Variants in ZNF574 observed in about 807,000 individuals in gnomAD.
ZNF574 encodes zinc finger protein 574.
ZNF574 carries 25 observed loss-of-function variants against 56.6 expected under a neutral mutation model. The ratio of observed to expected loss-of-function variants is 0.44; its 90% CI spans 0.32 to 0.62. The LOEUF is 0.62. ZNF574 is among the 20% of genes least tolerant of loss of function. The pLI is 0.04. For synonymous variants in ZNF574, 543 were observed against 492.1 expected (o/e 1.10, Z -1.37); for missense variants, 1,065 against 1,218.9 (o/e 0.87, Z 1.88).
chr19:42,069,883 T>A (rs532559918), intron 1 of ZNF574, among the ~76,000 whole-genome samples: 3 of 149,918 alleles, frequency 2.0e-5, no homozygotes, highest in African/African-American at 7.4e-5. Context: ...CTGGGGAGGA[T>A]GGAGAGCTGG....
At position 42,080,916 on chromosome 19, in the gene ZNF574, C is replaced by G. The variant is rs780502972; in HGVS notation, c.2310C>G (p.Asp770Glu). Reference protein sequence around the residue: ...HTGERPYPCPDCGKAFRQSTH... With the variant: ...HTGERPYPCPECGKAFRQSTH... ...GTGAGCGGCCATACCCATGTCCAGACTGTGGCAAAGCGTTCCGTCAGAGTA... is the reference window on the plus strand; with the variant it reads ...GTGAGCGGCCATACCCATGTCCAGAGTGTGGCAAAGCGTTCCGTCAGAGTA... Residue 770 changes from aspartate to glutamate, a missense_variant, in exon 2 of 2, where the codon GAC (aspartate) becomes GAG (glutamate). Transcript: ENST00000359044. This position sits in a 1 kb window ranked among gnomAD's most constrained non-coding sequence, Gnocchi z 8.5. 39 of 1,613,796 alleles carry G rather than the reference C, an allele frequency of 2.4e-5. No individual in the cohort carries two copies. The highest frequency in any genetic ancestry group is 3.3e-5 in the Non-Finnish European group (39 of 1,179,974).
chr19:42,080,454 C>T lies in ZNF574; in HGVS notation c.1848C>T (p.Phe616=), dbSNP rs2076490512. ...PYKCRECPRS[F]LLRRLLEVHQ... ...AGTGTCGCGAGTGCCCCCGCTCCTTCTTGCTGCGTCGGCTGCTGGAGGTGC... is the reference window on the plus strand; with the variant it reads ...AGTGTCGCGAGTGCCCCCGCTCCTTTTTGCTGCGTCGGCTGCTGGAGGTGC... The change falls in exon 2 of 2, where the codon TTC becomes TTT. Residue 616 remains phenylalanine (F), a synonymous_variant. Transcript: ENST00000359044. The surrounding 1 kb of genome is among the most constrained non-coding windows in gnomAD (Gnocchi z 8.5). 1 of 1,614,180 alleles carries T rather than the reference C, an allele frequency of 6.2e-7. No homozygotes were observed. The highest frequency in any genetic ancestry group is 2.2e-5 in the East Asian group (1 of 44,868).
rs374593415 is a variant in ZNF574, at chr19:42,081,164, G to A, written c.2558G>A (p.Arg853Gln). 34 of 1,614,050 alleles carry A rather than the reference G, an allele frequency of 2.1e-5. No homozygotes were observed. Among genetic ancestry groups the A allele is most frequent in the Admixed American group, 5.0e-5 (3 of 60,030 alleles). ...CAGCAGCAGCATCAGGCAGCTGTGC[G>A]GCAGCAGCTGGCAGAGGCGGAGGCT... The part of the protein sequence containing the change: ...THQQQHQAAV[R>Q]QQLAEAEAAV... Residue 853 changes from arginine to glutamine, a missense_variant, in exon 2 of 2, where the codon CGG (arginine) becomes CAG (glutamine). By Grantham distance (43) the Arg-to-Gln change is conservative. Coordinates refer to ENST00000359044, the MANE Select transcript of ZNF574 (RefSeq NM_022752.6).
chr19:42,080,106 T>C lies in ZNF574; in HGVS notation c.1500T>C (p.Cys500=), dbSNP rs138019001. The C allele has an allele frequency of 2.3e-4, 368 of 1,613,938 alleles. 1 individual carries two copies. The highest frequency in any genetic ancestry group is 2.9e-4 in the Non-Finnish European group (342 of 1,180,034). The change falls in exon 2 of 2, where the codon TGT becomes TGC. Residue 500 remains cysteine (C), a synonymous_variant. Transcript: ENST00000359044. The surrounding 1 kb of genome is among the most constrained non-coding windows in gnomAD (Gnocchi z 8.5). ...AGCGGCGCCATAAATGCAGCATTTGTGGCAAGATGTTCAAGAAGAAGTCTC... is the reference window on the plus strand; with the variant it reads ...AGCGGCGCCATAAATGCAGCATTTGCGGCAAGATGTTCAAGAAGAAGTCTC... ...RLERRHKCSI[C]GKMFKKKSHV...
rs1315426192 is a variant in ZNF574 at position 42,081,131 on chromosome 19, A to G, written c.2525A>G (p.Lys842Arg). Residue 842 changes from lysine to arginine, a missense_variant, in exon 2 of 2, where the codon AAG becomes AGG. By Grantham distance (26) the Lys-to-Arg change is conservative. Coordinates refer to ENST00000359044, the MANE Select transcript of ZNF574 (RefSeq NM_022752.6). ...RSFSNLWKHR[K>R]THQQQHQAAV... ...TTCTCCAACCTCTGGAAGCACCGCA[A>G]GACCCATCAGCAGCAGCATCAGGCA... The G allele has an allele frequency of 7.4e-6, 12 of 1,614,034 alleles. No individual in the cohort carries two copies. The highest frequency in any genetic ancestry group is 4.0e-5 in the African/African-American group (3 of 74,946).
upstream of ZNF574, among the ~76,000 whole-genome samples, chr19:42,071,655 A>G (rs1209161143): frequency 2.0e-5 from 3 of 152,132 alleles, no homozygotes; most frequent in African/African-American, 7.2e-5. Context: ...CAGGCCTAAA[A>G]GCCCAGATTC....
In ZNF574 at chr19:42,079,284, G is replaced by A. The variant is rs773182732; in HGVS notation, c.678G>A (p.Pro226=). The change falls in exon 2 of 2, where the codon CCG becomes CCA. Residue 226 remains proline, a synonymous_variant. Coordinates refer to ENST00000359044, the MANE Select transcript of ZNF574 (RefSeq NM_022752.6). The surrounding 1 kb of genome is among the most constrained non-coding windows in gnomAD (Gnocchi z 4.3). ...CSECSQLFQL[P]ADFLEHQATH... ...AGTGCTCCCAGCTCTTCCAGCTGCC[G>A]GCGGATTTCCTGGAGCACCAGGCCA... 1.4e-5 allele frequency: 23 copies of A among 1,613,874 alleles called. No homozygotes were observed. Among genetic ancestry groups the A allele is most frequent in the African/African-American group, 9.3e-5 (7 of 74,902 alleles).
chr19:42,074,342 G>A (rs927990508), upstream of ZNF574, among the ~76,000 whole-genome samples: 3 of 138,194 alleles, frequency 2.2e-5, no homozygotes, highest in Non-Finnish European at 4.7e-5. Flanking sequence ...GTAGTCACAG[G>A]TACTCAGGAG....
chr19:42,072,437 C>G (rs1253439117), upstream of ZNF574, among the ~76,000 whole-genome samples: 1 of 151,856 alleles, frequency 6.6e-6, no homozygotes, highest in Non-Finnish European at 1.5e-5. Flanking sequence ...GGGGTTTCAC[C>G]ATGTTAGCCA....
chr19:42,073,499 C>A (rs1286208960), upstream of ZNF574, among the ~76,000 whole-genome samples: 1 of 145,150 alleles, frequency 6.9e-6, no homozygotes, highest in Admixed American at 7.0e-5. Flanking sequence ...CCAGCCTGGG[C>A]AACATAGTGA....
intron 1 of ZNF574, among the ~76,000 whole-genome samples, chr19:42,077,489 A>G (rs933025839): frequency 1.3e-5 from 2 of 152,062 alleles, no homozygotes; most frequent in East Asian, 1.9e-4. Flanking sequence ...TATTCCTGAG[A>G]TGGATTTGAG....
At position 42,078,721 on chromosome 19, in the gene ZNF574, G is replaced by A. The variant is rs751967560; in HGVS notation, c.115G>A (p.Val39Met). ...EEVLMHQNSH[V>M]PQQHFELVGV... ...GGTGCTTATGCACCAAAACTCCCAC[G>A]TGCCCCAGCAGCACTTTGAGCTGGT... Residue 39 changes from valine (V) to methionine (M), a missense_variant, in exon 2 of 2, where the codon GTG becomes ATG. Val to Met is a conservative substitution (Grantham distance 21, BLOSUM62 1). Transcript: ENST00000359044. 2.5e-6 allele frequency: 4 copies of A among 1,613,950 alleles called. No homozygotes were observed. The highest frequency in any genetic ancestry group is 2.2e-5 in the East Asian group (1 of 44,892).
Position 42,079,656 on chromosome 19 carries a change from T to G in ZNF574, c.1050T>G (p.Ser350Arg). 6.2e-7 allele frequency: 1 copy of G among 1,614,044 alleles called. No homozygotes were observed. The highest frequency in any genetic ancestry group is 1.1e-5 in the South Asian group (1 of 91,076). Residue 350 changes from serine (S) to arginine (R), a missense_variant, in exon 2 of 2, where the codon AGT becomes AGG. Coordinates refer to ENST00000359044, the MANE Select transcript of ZNF574 (RefSeq NM_022752.6). This position sits in a 1 kb window ranked among gnomAD's most constrained non-coding sequence, Gnocchi z 4.3. ...LCSRVFPSPS[S>R]LDQHLGDHSS... ...GTCGTGTCTTCCCTAGCCCTTCCAG[T>G]CTGGACCAGCACCTTGGAGACCATA...
At chr19:42,076,791 T>G (rs1458884118) in intron 1 of ZNF574, among the ~76,000 whole-genome samples, 1 of 151,752 alleles carries the variant, frequency 6.6e-6, no homozygotes, top group African/African-American at 2.4e-5. Context: ...GTGAAGACAT[T>G]AGGAAATCGA....
At position 42,080,594 on chromosome 19, in the gene ZNF574, C is replaced by A. The variant is rs2076492033; in HGVS notation, c.1988C>A (p.Ala663Asp). ...EHRCAAAAAQAPRRFECGTCG... is the reference protein window; with the variant it reads ...EHRCAAAAAQDPRRFECGTCG... ...CGCTGTGCAGCCGCTGCTGCCCAGGCCCCACGGCGCTTTGAGTGTGGCACC... is the reference window on the plus strand; with the variant it reads ...CGCTGTGCAGCCGCTGCTGCCCAGGACCCACGGCGCTTTGAGTGTGGCACC... Residue 663 changes from alanine to aspartate, a missense_variant, in exon 2 of 2, where the codon GCC becomes GAC. Transcript: ENST00000359044. The surrounding 1 kb of genome is among the most constrained non-coding windows in gnomAD (Gnocchi z 8.5). The A allele has an allele frequency of 6.2e-7, 1 of 1,612,684 alleles. No individual in the cohort carries two copies. The highest frequency in any genetic ancestry group is 8.5e-7 in the Non-Finnish European group (1 of 1,179,860).
upstream of ZNF574, among the ~76,000 whole-genome samples, chr19:42,071,262 T>A (rs971932702): frequency 8.7e-5 from 10 of 114,872 alleles, no homozygotes; most frequent in Non-Finnish European, 1.7e-4. Context: ...GCGACACAGA[T>A]CTTGGAGTGG....
At chr19:42,076,756 T>C (rs1325614833) in intron 1 of ZNF574, among the ~76,000 whole-genome samples, 1 of 151,984 alleles carries the variant, frequency 6.6e-6, no homozygotes, top group Admixed American at 6.6e-5. Flanking sequence ...CTGGAAAGAA[T>C]TGGGGCGGTG....
chr19:42,078,810 G>C lies in ZNF574; in HGVS notation c.204G>C (p.Gln68His). The change falls in exon 2 of 2, where the codon CAG becomes CAC. Residue 68 changes from glutamine to histidine, a missense_variant. Coordinates refer to ENST00000359044, the MANE Select transcript of ZNF574 (RefSeq NM_022752.6). ...CAGCTTCAGGCACGGGCCTCTATCA[G>C]ACCCTTGTGCAGGAGAGCCAGTACC... ...TDTASGTGLY[Q>H]TLVQESQYQC... is the part of the protein sequence containing the mutation. 1 of 1,614,080 alleles carries C rather than the reference G, an allele frequency of 6.2e-7. No individual in the cohort carries two copies. Among genetic ancestry groups the C allele is most frequent in the Non-Finnish European group, 8.5e-7 (1 of 1,179,972 alleles).
At position 42,079,994 on chromosome 19, in the gene ZNF574, C is replaced by G. The variant is rs1555885817; in HGVS notation, c.1388C>G (p.Pro463Arg). ...SEETSAGPAA[P>R]GTYRCLLCSR... ...GAGACCTCAGCAGGGCCCGCTGCCCCAGGCACCTACCGCTGCCTCCTGTGC... is the reference window on the plus strand; with the variant it reads ...GAGACCTCAGCAGGGCCCGCTGCCCGAGGCACCTACCGCTGCCTCCTGTGC... Residue 463 changes from proline to arginine, a missense_variant, in exon 2 of 2, where the codon CCA becomes CGA. Physicochemically the swap from Pro to Arg is moderately radical, Grantham distance 103. Coordinates refer to ENST00000359044, the MANE Select transcript of ZNF574 (RefSeq NM_022752.6). This position sits in a 1 kb window ranked among gnomAD's most constrained non-coding sequence, Gnocchi z 4.3. The G allele has an allele frequency of 6.2e-7, 1 of 1,613,974 alleles. No homozygotes were observed. The highest frequency in any genetic ancestry group is 1.7e-5 in the Admixed American group (1 of 60,024).
Sources: gnomAD v4.1 joint callset for allele counts (sites outside exome capture counted in the v4.1 genomes callset) on GRCh38, gnomAD v4.1.1 for gene constraint, Gnocchi (gnomAD v3.1) non-coding constraint, MANE v1.5 for transcripts, NCBI Gene and HGNC (gene_info 2026-07-23, HGNC 2026-07-21) for gene names.